Variants in ROBO2 observed in about 807,000 individuals in gnomAD.
ROBO2 encodes the protein roundabout homolog 2.
In ROBO2, 53 loss-of-function variants were observed where a neutral mutation model predicts 160.8. The ratio of observed to expected loss-of-function variants is 0.33; its 90% CI spans 0.26 to 0.41. ROBO2 has a LOEUF of 0.41. Ranked by LOEUF, ROBO2 falls within the 10% of genes least tolerant of loss-of-function variation. ROBO2 has a pLI of 1.00. For synonymous variants in ROBO2, 664 were observed against 611.7 expected, an observed-to-expected ratio of 1.09 and a Z score of -1.26; for missense variants, 1,577 against 1,722.4, an observed-to-expected ratio of 0.92 and a Z score of 1.49.
intron 2 of ROBO2, among the ~76,000 whole-genome samples, chr3:77,292,090 T>C (rs1283759071): frequency 6.7e-6 from 1 of 150,374 alleles, no homozygotes; most frequent in Non-Finnish European, 1.5e-5. Flanking sequence ...TAAAGTAAAA[T>C]TGACGGTTAA....
intron 2 of ROBO2, among the ~76,000 whole-genome samples, chr3:77,414,036 G>A (rs1425231610): frequency 6.6e-6 from 1 of 151,912 alleles, no homozygotes; most frequent in Non-Finnish European, 1.5e-5. Context: ...CTGAGCTTTG[G>A]ATCAGTTCAT....
At chr3:76,822,113 G>T (rs1286989330) in intron 2 of ROBO2, among the ~76,000 whole-genome samples, 1 of 151,968 alleles carries the variant, frequency 6.6e-6, no homozygotes, top group Non-Finnish European at 1.5e-5. Flanking sequence ...TAGCTTCAGA[G>T]TGCTATTTAC....
chr3:76,124,180 G>T (rs115544225), intron 2 of ROBO2, among the ~76,000 whole-genome samples: 1 of 151,948 alleles, frequency 6.6e-6, no homozygotes. Flanking sequence ...GAAAAAATTC[G>T]AAAATATGCG....
chr3:76,644,370 C>A (rs1296680893), intron 2 of ROBO2, among the ~76,000 whole-genome samples: 1 of 152,084 alleles, frequency 6.6e-6, no homozygotes, highest in South Asian at 2.1e-4. Context: ...CATATTAAAA[C>A]GAGATTTGCA....
chr3:76,009,530 G>A (rs2066134233), intron 2 of ROBO2, among the ~76,000 whole-genome samples: 1 of 152,150 alleles, frequency 6.6e-6, no homozygotes, highest in Non-Finnish European at 1.5e-5. Flanking sequence ...TGAACCCAAT[G>A]CTCTGGGGTA....
Position 76,666,012 on chromosome 3 carries a change from CATATTAT to C in ROBO2, c.110-431990_110-431984del, listed in dbSNP as rs1394422634. ...TAATATATATAATATATAATATATA[CATATTAT>C]ATATTATATATATTATATATATACT... On this transcript the variant is annotated intron_variant, in intron 2 of 26. Coordinates refer to the ROBO2 transcript ENST00000487694. Among the ~76,000 whole-genome samples, 5 of 115,804 alleles carry C rather than the reference CATATTAT, an allele frequency of 4.3e-5. 1 individual carries two copies. The highest frequency in any genetic ancestry group is 2.7e-4 in the Admixed American group (3 of 11,106). 76.0% of individuals were successfully genotyped at this position (115,804 alleles called of 152,430 possible).
chr3:76,839,357 A>C lies in ROBO2; in HGVS notation c.110-258657A>C, dbSNP rs186710112. On this transcript the variant is annotated intron_variant, in intron 2 of 26. Coordinates refer to the ROBO2 transcript ENST00000487694. ...TGAAATAAGGCATGTAGGAAAAGAT[A>C]ACTAACAATTTATTGAGTTCATGAG... is the stretch of plus-strand genomic sequence containing the variant. Among the ~76,000 whole-genome samples, 344 of 152,298 alleles carry C rather than the reference A, an allele frequency of 2.3e-3. 2 individuals are homozygous for C. The highest frequency in any genetic ancestry group is 1.3e-3 in the Non-Finnish European group (89 of 68,022).
At chr3:76,032,890 C>T (rs946909586) in intron 2 of ROBO2, among the ~76,000 whole-genome samples, 5 of 152,122 alleles carry the variant, frequency 3.3e-5, no homozygotes, top group African/African-American at 1.2e-4. Context: ...ATATCACACA[C>T]ATTGAAGTTA....
intron 2 of ROBO2, among the ~76,000 whole-genome samples, chr3:76,018,589 C>T (rs2066471277): frequency 1.3e-5 from 2 of 151,632 alleles, no homozygotes; most frequent in South Asian, 2.1e-4. Context: ...TTCCTATTTC[C>T]AAATCTACAA....
intron 2 of ROBO2, among the ~76,000 whole-genome samples, chr3:76,821,425 A>T (rs1024600342): frequency 2.6e-5 from 4 of 152,064 alleles, no homozygotes; most frequent in South Asian, 2.1e-4. Context: ...ATTTCAGGCT[A>T]CGAACTGAAA....
chr3:77,443,829 G>A (rs915813308), intron 2 of ROBO2, among the ~76,000 whole-genome samples: 13 of 152,102 alleles, frequency 8.5e-5, no homozygotes, highest in South Asian at 2.1e-4. Context: ...CAACTTGGAC[G>A]AAAGGAGACA....
chr3:77,393,227 A>G (rs1215725560), intron 2 of ROBO2, among the ~76,000 whole-genome samples: 1 of 152,152 alleles, frequency 6.6e-6, no homozygotes, highest in East Asian at 1.9e-4. Flanking sequence ...ATAATGTATC[A>G]ATTTCTCTTC....
At chr3:76,008,566 C>A (rs1163284908) in intron 2 of ROBO2, among the ~76,000 whole-genome samples, 1 of 152,162 alleles carries the variant, frequency 6.6e-6, no homozygotes, top group South Asian at 2.1e-4. Flanking sequence ...ATTTGGAGCA[C>A]CAAACTTGCC....
intron 2 of ROBO2, among the ~76,000 whole-genome samples, chr3:77,314,829 T>C (rs1276405480): frequency 6.6e-6 from 1 of 152,212 alleles, no homozygotes; most frequent in Non-Finnish European, 1.5e-5. Flanking sequence ...GGTTGTCCCA[T>C]ATAACTGCTG....
At chr3:76,022,292 T>G (rs976625155) in intron 2 of ROBO2, among the ~76,000 whole-genome samples, 9 of 151,782 alleles carry the variant, frequency 5.9e-5, no homozygotes. Context: ...CTCAACTTCT[T>G]CTAAACTCCT....
At chr3:76,870,703 T>G (rs1400925460) in intron 2 of ROBO2, among the ~76,000 whole-genome samples, 1 of 152,212 alleles carries the variant, frequency 6.6e-6, no homozygotes, top group East Asian at 1.9e-4. Flanking sequence ...CCCCTACATC[T>G]ATTCATATTC....
At chr3:76,796,201 G>A (rs890806767) in intron 2 of ROBO2, among the ~76,000 whole-genome samples, 1 of 151,984 alleles carries the variant, frequency 6.6e-6, no homozygotes, top group African/African-American at 2.4e-5. Flanking sequence ...GTCCATCGAA[G>A]CCAGGCATTA....
At chr3:76,309,614 G>A (rs901096770) in intron 2 of ROBO2, among the ~76,000 whole-genome samples, 2 of 152,112 alleles carry the variant, frequency 1.3e-5, no homozygotes, top group South Asian at 2.1e-4. Context: ...TTTTGAAAGT[G>A]ATAACATCAT....
chr3:75,935,773 T>C (rs889329197), intron 1 of ROBO2, among the ~76,000 whole-genome samples: 1 of 152,160 alleles, frequency 6.6e-6, no homozygotes, highest in Non-Finnish European at 1.5e-5. Context: ...TTTTGGCTGA[T>C]TGTTGGACTA....
Sources: allele counts gnomAD v4.1 joint callset (sites outside exome capture counted in the v4.1 genomes callset), GRCh38; gene constraint gnomAD v4.1.1; transcripts MANE v1.5; gene names NCBI Gene and HGNC (gene_info 2026-07-23, HGNC 2026-07-21).